PSMA1: variants seen among roughly 807,000 people sequenced by gnomAD.
PSMA1 encodes the protein proteasome subunit alpha type-1.
Under a neutral mutation model 38.4 loss-of-function variants are expected in PSMA1, and 3 were observed. That is an observed-to-expected ratio of 0.08 (90% confidence interval 0.04 to 0.20). The LOEUF (loss-of-function observed/expected upper bound fraction) is 0.20. Ranked by LOEUF, PSMA1 falls within the 10% of genes least tolerant of loss-of-function variation. The pLI is 1.00. For missense variants in PSMA1, 227 were observed against 325.3 expected (o/e 0.70, Z 2.32); for synonymous variants, 101 against 107.1 (o/e 0.94, Z 0.35).
intron 2 of PSMA1, among the ~76,000 whole-genome samples, chr11:14,563,945 A>G (rs1271532412): frequency 6.6e-6 from 1 of 152,230 alleles, no homozygotes; most frequent in Admixed American, 6.5e-5. Flanking sequence ...AACAACCATA[A>G]TTAAATAAAG....
At chr11:14,533,416 G>A (rs930594395) in intron 2 of PSMA1, among the ~76,000 whole-genome samples, 1 of 152,164 alleles carries the variant, frequency 6.6e-6, no homozygotes, top group East Asian at 1.9e-4. Flanking sequence ...GTAAGTGAAT[G>A]TGGCAGCCCC....
intron 1 of PSMA1, among the ~76,000 whole-genome samples, chr11:14,628,034 A>G (rs1852937926): frequency 6.6e-6 from 1 of 152,148 alleles, no homozygotes; most frequent in African/African-American, 2.4e-5. Flanking sequence ...TTACCGCTTG[A>G]GCTCCACCTC....
intron 1 of PSMA1, among the ~76,000 whole-genome samples, chr11:14,643,107 G>A (rs1310404846): frequency 6.6e-6 from 1 of 150,966 alleles, no homozygotes; most frequent in Non-Finnish European, 1.5e-5. Flanking sequence ...TCAAGAACGT[G>A]CACGTGGAGT....
intron 1 of PSMA1, among the ~76,000 whole-genome samples, chr11:14,633,098 C>T (rs1853052257): frequency 6.6e-6 from 1 of 152,072 alleles, no homozygotes; most frequent in East Asian, 1.9e-4. Context: ...TCCCATAGCT[C>T]AGAGTAATTT....
chr11:14,630,805 T>C (rs1338310604), intron 1 of PSMA1, among the ~76,000 whole-genome samples: 1 of 152,186 alleles, frequency 6.6e-6, no homozygotes, highest in African/African-American at 2.4e-5. Context: ...TGGACTCTTT[T>C]TGGTTGGTAA....
intron 1 of PSMA1, among the ~76,000 whole-genome samples, chr11:14,631,220 T>G (rs554993851): frequency 6.6e-6 from 1 of 152,318 alleles, no homozygotes; most frequent in South Asian, 2.1e-4. Context: ...TTTGAATGAG[T>G]TTGCTCTTGC....
chr11:14,589,341 A>ATGTG (rs1189539259), intron 2 of PSMA1, among the ~76,000 whole-genome samples: 1 of 146,714 alleles, frequency 6.8e-6, no homozygotes, highest in African/African-American at 2.5e-5. Context: ...ATATATATAT[A>ATGTG]TGTGTGTGTG....
intron 2 of PSMA1, among the ~76,000 whole-genome samples, chr11:14,539,111 A>G (rs530252543): frequency 6.6e-6 from 1 of 152,334 alleles, no homozygotes; most frequent in African/African-American, 2.4e-5. Context: ...TTTCAACAGA[A>G]GGTAATACAC....
chr11:14,630,229 C>A (rs1480366824), intron 1 of PSMA1, among the ~76,000 whole-genome samples: 1 of 152,150 alleles, frequency 6.6e-6, no homozygotes, highest in Non-Finnish European at 1.5e-5. Flanking sequence ...GAGAGGGCAT[C>A]CCTGTCTTAT....
Position 14,507,745 on chromosome 11 carries a change from C to A in PSMA1, c.646G>T (p.Gly216Cys), listed in dbSNP as rs771119108. The change falls in exon 9 of 10, where the codon GGT (glycine) becomes TGT (cysteine). Residue 216 changes from glycine (G) to cysteine (C), a missense_variant. Gly to Cys is a radical substitution (Grantham distance 159, BLOSUM62 -3). Coordinates refer to ENST00000396394, the MANE Select transcript of PSMA1 (RefSeq NM_002786.4). ...TAGATTGTAAACTCCAAGTCTTTAC[C>A]AACAATTCCAATGGAAACATTCTGA... ...TTKNVSIGIV[G>C]KDLEFTIYDD... 2 of 1,606,900 alleles carry A rather than the reference C, an allele frequency of 1.2e-6. No individual in the cohort carries two copies. The highest frequency in any genetic ancestry group is 4.5e-5 in the East Asian group (2 of 44,760).
chr11:14,609,990 C>CA (rs1301555186), intron 2 of PSMA1, among the ~76,000 whole-genome samples: 4 of 152,140 alleles, frequency 2.6e-5, no homozygotes, highest in Non-Finnish European at 5.9e-5. Context: ...GGGGAGGTGA[C>CA]AAATGGTTGG....
At chr11:14,544,489 C>T (rs1851805331) in intron 2 of PSMA1, among the ~76,000 whole-genome samples, 1 of 151,926 alleles carries the variant, frequency 6.6e-6, no homozygotes, top group African/African-American at 2.4e-5. Flanking sequence ...AAAAGACAAC[C>T]CAATTAAAGA....
At chr11:14,570,045 T>C (rs1852119511) in intron 2 of PSMA1, among the ~76,000 whole-genome samples, 1 of 152,174 alleles carries the variant, frequency 6.6e-6, no homozygotes, top group Non-Finnish European at 1.5e-5. Flanking sequence ...ACATTTGCTG[T>C]TCTGCAATAT....
At chr11:14,593,613 TGAGAGAGAGAGAGAGAGAGAGAGA>T (rs59225796) in intron 2 of PSMA1, among the ~76,000 whole-genome samples, 101 of 98,990 alleles carry the variant, frequency 1.0e-3, no homozygotes, top group African/African-American at 3.8e-3. Context: ...GGAGGAAAAA[TGAGAGAGAGAGAGAGAGAGAGAGA>T]GAGAGAGAGA....
In PSMA1 at chr11:14,592,392, ATATT is replaced by A. The variant is rs779969218; in HGVS notation, c.21+18570_21+18573del. Among the ~76,000 whole-genome samples the A allele has an allele frequency of 2.6e-3, 373 of 140,868 alleles. 1 individual carries two copies. The highest frequency in any genetic ancestry group is 8.4e-3 in the African/African-American group (303 of 36,058). 92.4% of individuals were successfully genotyped at this position (140,868 alleles called of 152,430 possible). On this transcript the variant is annotated intron_variant, in intron 2 of 10. Transcript: ENST00000418988. ...TCTCTCTCTCTATATATATATATAT[ATATT>A]TTTTTTTTAGATGGAGTCTCGCTTT...
chr11:14,508,574 A>AAAAAAAAAAAC, intron 8 of PSMA1, among the ~76,000 whole-genome samples: 1 of 150,436 alleles, frequency 6.6e-6, no homozygotes, highest in African/African-American at 2.4e-5. Flanking sequence ...AAAAAAAAAA[A>AAAAAAAAAAAC]AAACCCAGAT....
rs543993006 is a variant in PSMA1, at chr11:14,554,582, T to G, written c.22-35541A>C. ...TATTGGAAGACTATCTTTTCTCCAT[T>G]GAATTTTTTTTTGCAACATTGTTGA... is the stretch of plus-strand genomic sequence containing the variant. On this transcript the variant is annotated intron_variant, in intron 2 of 10. Coordinates refer to the PSMA1 transcript ENST00000418988. 7.9e-5 allele frequency among the ~76,000 whole-genome samples: 12 copies of G among 152,282 alleles called. 1 individual carries two copies. Among genetic ancestry groups the G allele is most frequent in the Non-Finnish European group, 1.8e-4 (12 of 67,996 alleles).
chr11:14,620,568 A>G (rs764388348), intron 1 of PSMA1, among the ~76,000 whole-genome samples: 4 of 152,246 alleles, frequency 2.6e-5, no homozygotes, highest in Non-Finnish European at 5.9e-5. Context: ...GAATAAATTC[A>G]ATCTAGTGAT....
chr11:14,551,968 TATA>T (rs1201693090), intron 2 of PSMA1, among the ~76,000 whole-genome samples: 1 of 152,232 alleles, frequency 6.6e-6, no homozygotes, highest in African/African-American at 2.4e-5. Flanking sequence ...TATAATTTCT[TATA>T]ATAAGAATGT....
Sources: allele counts gnomAD v4.1 joint callset (sites outside exome capture counted in the v4.1 genomes callset), GRCh38; gene constraint gnomAD v4.1.1; transcripts MANE v1.5; gene names NCBI Gene and HGNC (gene_info 2026-07-23, HGNC 2026-07-21).